Variants in KCNH8 observed in about 807,000 individuals in gnomAD.
The protein encoded by KCNH8 is voltage-gated delayed rectifier potassium channel KCNH8.
A neutral mutation model predicts 103.6 loss-of-function variants in KCNH8; 70 were observed. The observed-to-expected ratio is 0.68, with a 90% CI of 0.56 to 0.82. KCNH8 has a LOEUF of 0.82. Among genes scored for constraint, KCNH8 ranks in the 40% least tolerant of loss-of-function variants. The pLI, the probability that KCNH8 is intolerant of heterozygous loss-of-function variation, is 0.00. For synonymous variants in KCNH8, 498 were observed against 489.4 expected (o/e 1.02, Z -0.23); for missense variants, 1,217 against 1,329.9 (o/e 0.92, Z 1.32).
intron 3 of KCNH8, among the ~76,000 whole-genome samples, chr3:19,288,765 C>T (rs575238838): frequency 4.9e-4 from 75 of 152,140 alleles, no homozygotes; most frequent in Non-Finnish European, 8.8e-4. Context: ...ATGGCTGGGT[C>T]GAATGGTATT....
At chr3:19,385,942 C>T (rs1216535324) in intron 5 of KCNH8, among the ~76,000 whole-genome samples, 1 of 152,172 alleles carries the variant, frequency 6.6e-6, no homozygotes, top group African/African-American at 2.4e-5. Context: ...CTTTCATGCA[C>T]ACTATTGTAT....
At chr3:19,216,242 T>C (rs2063816608) in intron 1 of KCNH8, among the ~76,000 whole-genome samples, 1 of 152,158 alleles carries the variant, frequency 6.6e-6, no homozygotes, top group South Asian at 2.1e-4. Context: ...AGGCAGGGAA[T>C]GGAGAGAGAA....
chr3:19,518,108 G>GAGACTAAGAC, intron 15 of KCNH8, 34 bp downstream of exon 15: 2 of 1,514,004 alleles, frequency 1.3e-6, no homozygotes, highest in Non-Finnish European at 1.8e-6. Flanking sequence ...TGCCTAAATG[G>GAGACTAAGAC]TAAGAGGAGA....
intron 3 of KCNH8, among the ~76,000 whole-genome samples, chr3:19,327,312 G>A (rs1249910392): frequency 6.6e-6 from 1 of 152,174 alleles, no homozygotes; most frequent in Non-Finnish European, 1.5e-5. Flanking sequence ...TTAGTTTTGA[G>A]ACAGGTTCTC....
At chr3:19,515,004 T>A (rs2068850497) in intron 13 of KCNH8, among the ~76,000 whole-genome samples, 1 of 151,816 alleles carries the variant, frequency 6.6e-6, no homozygotes, top group Non-Finnish European at 1.5e-5. Flanking sequence ...TTTAATAATA[T>A]ATTTTATTTG....
chr3:19,415,095 T>C (rs1361087647), intron 7 of KCNH8, among the ~76,000 whole-genome samples: 1 of 151,986 alleles, frequency 6.6e-6, no homozygotes, highest in Admixed American at 6.6e-5. Context: ...AGTAAACCAA[T>C]ATTTGGCATT....
intron 1 of KCNH8, among the ~76,000 whole-genome samples, chr3:19,200,120 G>A (rs1247883593): frequency 6.6e-6 from 1 of 151,964 alleles, no homozygotes; most frequent in Non-Finnish European, 1.5e-5. Context: ...TGATTTTTAT[G>A]TGATTAAATT....
At chr3:19,502,335 T>C (rs371587832) in intron 11 of KCNH8, among the ~76,000 whole-genome samples, 8,437 of 150,180 alleles carry the variant, frequency 0.056, 244 homozygotes, top group South Asian at 0.078. Flanking sequence ...ATTGTGAAAA[T>C]GGCCATACTG....
Position 19,472,195 on chromosome 3 carries a change from CGTGTGTGTGTGTGTGTGTGTGTGTGTGT to C in KCNH8, c.2040+15238_2040+15265del, listed in dbSNP as rs57766729. Reference sequence around the variant, plus strand: ...CTTATTGGAATTTAATCACTTCATTCGTGTGTGTGTGTGTGTGTGTGTGTGTGTGTGTGTGTGTGTGTGTGTGTGTGTT... The same window carrying C: ...CTTATTGGAATTTAATCACTTCATTCGTGTGTGTGTGTGTGTGTGTGTGTT... On this transcript the variant is annotated intron_variant, in intron 11 of 15. Transcript: ENST00000328405. 3.4e-3 allele frequency among the ~76,000 whole-genome samples: 469 copies of C among 137,486 alleles called. 4 individuals are homozygous for C. The highest frequency in any genetic ancestry group is 0.011 in the African/African-American group (423 of 37,388). 90.2% of individuals were successfully genotyped at this position (137,486 alleles called of 152,430 possible).
intron 5 of KCNH8, among the ~76,000 whole-genome samples, chr3:19,358,685 T>C (rs1269407437): frequency 2.0e-5 from 3 of 151,966 alleles, no homozygotes; most frequent in African/African-American, 4.8e-5. Flanking sequence ...TTTTATGTTT[T>C]TTAAATACAT....
chr3:19,206,185 T>C (rs1305909288), intron 1 of KCNH8, among the ~76,000 whole-genome samples: 21 of 141,960 alleles, frequency 1.5e-4, no homozygotes, highest in African/African-American at 5.5e-4. Flanking sequence ...TATATATATA[T>C]CACAGTTATA....
At chr3:19,505,718 A>T (rs2068678513) in intron 11 of KCNH8, among the ~76,000 whole-genome samples, 1 of 152,042 alleles carries the variant, frequency 6.6e-6, no homozygotes, top group African/African-American at 2.4e-5. Flanking sequence ...TCTAGAGAGG[A>T]TGGGAAGGTT....
intron 1 of KCNH8, among the ~76,000 whole-genome samples, chr3:19,156,417 C>T (rs1008422821): frequency 2.4e-4 from 36 of 152,252 alleles, no homozygotes; most frequent in African/African-American, 7.9e-4. Context: ...TTTCTAGTTT[C>T]TAGCTCTTGC....
At chr3:19,245,039 A>G (rs546511365) in intron 1 of KCNH8, among the ~76,000 whole-genome samples, 4 of 152,308 alleles carry the variant, frequency 2.6e-5, no homozygotes, top group Admixed American at 2.0e-4. Context: ...GCCAAGGCCA[A>G]TATTGAGAAG....
At chr3:19,281,125 T>C in intron 2 of KCNH8, 73 bp from the exon 3 acceptor site, 1 of 1,485,654 alleles carries the variant, frequency 6.7e-7, no homozygotes, top group Admixed American at 2.1e-5. Flanking sequence ...TATTTTTTAT[T>C]GATGATTGAG....
chr3:19,452,848 C>T (rs896801033), intron 10 of KCNH8, among the ~76,000 whole-genome samples: 15 of 152,220 alleles, frequency 9.9e-5, no homozygotes, highest in Admixed American at 2.6e-4. Flanking sequence ...ATTCAGCATT[C>T]CTTCCATGTC....
intron 7 of KCNH8, among the ~76,000 whole-genome samples, chr3:19,425,253 C>G (rs1240609360): frequency 6.6e-6 from 1 of 152,136 alleles, no homozygotes; most frequent in Non-Finnish European, 1.5e-5. Flanking sequence ...CCTAAATGTA[C>G]TTTTTCTCCA....
chr3:19,293,078 G>T lies in KCNH8; in HGVS notation c.442+11749G>T, dbSNP rs141289149. Among the ~76,000 whole-genome samples the T allele has an allele frequency of 2.0e-5, 3 of 152,264 alleles. No homozygotes were observed. The East Asian group carries it at 5.8e-4, about 29-fold the overall frequency. The stretch of plus-strand genomic sequence containing the variant: ...CAGGCAATCTAGAGTGTGTGTCAAG[G>T]TATCATGTATTGATTATTTTCTATA... On this transcript the variant is annotated intron_variant, in intron 3 of 15. Coordinates refer to ENST00000328405, the MANE Select transcript of KCNH8 (RefSeq NM_144633.3).
At chr3:19,287,214 G>A (rs546458853) in intron 3 of KCNH8, among the ~76,000 whole-genome samples, 9 of 152,208 alleles carry the variant, frequency 5.9e-5, no homozygotes, top group East Asian at 3.9e-4. Context: ...TCATACTAAC[G>A]TTTGAGGAAC....
Sources: gnomAD v4.1 joint callset for allele counts (sites outside exome capture counted in the v4.1 genomes callset) on GRCh38, gnomAD v4.1.1 for gene constraint, MANE v1.5 for transcripts, NCBI Gene and HGNC (gene_info 2026-07-23, HGNC 2026-07-21) for gene names.